The following NUP210L variants were observed in gnomAD, a reference collection of about 807,000 sequenced individuals.
NUP210L encodes nuclear pore membrane glycoprotein 210-like.
In NUP210L, 74 loss-of-function variants were observed where a neutral mutation model predicts 208.5. The observed-to-expected ratio is 0.35, with a 90% CI of 0.29 to 0.43. NUP210L has a LOEUF of 0.43. Among genes scored for constraint, NUP210L ranks in the 20% least tolerant of loss-of-function variants. NUP210L has a pLI of 1.00. For missense variants in NUP210L, 1,843 were observed against 2,289.4 expected (o/e 0.81, Z 3.98); for synonymous variants, 780 against 816.9 (o/e 0.95, Z 0.77).
At chr1:154,032,950 G>GAAGGAAAGAA (rs1652317833) in intron 27 of NUP210L, among the ~76,000 whole-genome samples, 1 of 124,392 alleles carries the variant, frequency 8.0e-6, no homozygotes, top group Non-Finnish European at 1.6e-5. Context: ...AAGAAAGAAA[G>GAAGGAAAGAA]AAGAAAAGAA....
intron 25 of NUP210L, among the ~76,000 whole-genome samples, chr1:154,053,014 C>G (rs1653612794): frequency 6.6e-6 from 1 of 152,158 alleles, no homozygotes; most frequent in South Asian, 2.1e-4. Flanking sequence ...ATGATATGGC[C>G]CGCTCTAGGG....
At chr1:153,994,989 G>T in intron 38 of NUP210L, 87 bp downstream of exon 38, 1 of 821,228 alleles carries the variant, frequency 1.2e-6, no homozygotes, top group Non-Finnish European at 1.9e-6. Context: ...TCCAGCGTGG[G>T]CGACAGACTT....
At chr1:154,100,196 T>A (rs1479483026) in intron 13 of NUP210L, 53 bp from the exon 14 acceptor site, 2 of 1,584,760 alleles carry the variant, frequency 1.3e-6, no homozygotes, top group East Asian at 4.5e-5. Flanking sequence ...AGGCTTGTAA[T>A]CCCAGCACTT....
At chr1:154,115,030 C>T (rs148939892) in intron 12 of NUP210L, among the ~76,000 whole-genome samples, 22 of 152,292 alleles carry the variant, frequency 1.4e-4, no homozygotes, top group African/African-American at 3.8e-4. Context: ...ATCATTTGGT[C>T]CATTTCCTGC....
At chr1:154,083,445 G>A (rs1335354516) in intron 16 of NUP210L, among the ~76,000 whole-genome samples, 3 of 152,158 alleles carry the variant, frequency 2.0e-5, no homozygotes, top group African/African-American at 7.2e-5. Context: ...AACCCAAAGA[G>A]GTCAGGGGAA....
At chr1:154,102,372 A>C (rs1205400110) in intron 13 of NUP210L, among the ~76,000 whole-genome samples, 7 of 152,164 alleles carry the variant, frequency 4.6e-5, no homozygotes. Flanking sequence ...AGTTGAGTTC[A>C]TGAAGCGCCA....
chr1:154,064,084 T>TG (rs770181037), intron 17 of NUP210L, among the ~76,000 whole-genome samples: 8 of 151,588 alleles, frequency 5.3e-5, no homozygotes, highest in South Asian at 2.1e-4. Flanking sequence ...ATAGAGGTGG[T>TG]GGGGGGTCTC....
At chr1:154,007,748 A>G (rs994453452) in intron 35 of NUP210L, among the ~76,000 whole-genome samples, 1 of 145,438 alleles carries the variant, frequency 6.9e-6, no homozygotes, top group Non-Finnish European at 1.5e-5. Context: ...AATTTTTTGT[A>G]TTTTTTTAGT....
At chr1:154,090,229 A>G (rs1655835522) in intron 15 of NUP210L, among the ~76,000 whole-genome samples, 1 of 151,934 alleles carries the variant, frequency 6.6e-6, no homozygotes, top group Admixed American at 6.6e-5. Context: ...AAAAAAAAAA[A>G]TCTAACTTTG....
intron 33 of NUP210L, among the ~76,000 whole-genome samples, chr1:154,015,747 A>AC (rs1397747233): frequency 4.6e-5 from 7 of 150,686 alleles, no homozygotes; most frequent in African/African-American, 1.5e-4. Flanking sequence ...ACACACACAC[A>AC]CACCCCACAG....
At chr1:154,136,587 G>C (rs543939298) in intron 6 of NUP210L, among the ~76,000 whole-genome samples, 1 of 151,870 alleles carries the variant, frequency 6.6e-6, no homozygotes, top group Non-Finnish European at 1.5e-5. Flanking sequence ...GTAAGAAAAA[G>C]ATTAACGTTA....
intron 16 of NUP210L, among the ~76,000 whole-genome samples, chr1:154,072,425 C>T (rs1654794679): frequency 6.8e-6 from 1 of 146,706 alleles, no homozygotes; most frequent in Non-Finnish European, 1.5e-5. Context: ...CTCCACCTCC[C>T]GGGTTCATGC....
intron 30 of NUP210L, among the ~76,000 whole-genome samples, chr1:154,024,939 T>G (rs1321495349): frequency 6.9e-6 from 1 of 144,416 alleles, no homozygotes; most frequent in Non-Finnish European, 1.5e-5. Flanking sequence ...TTTTTTTTTT[T>G]TTTTTTTTGA....
chr1:153,995,002 A>G, intron 38 of NUP210L, 74 bp downstream of exon 38: 1 of 970,018 alleles, frequency 1.0e-6, no homozygotes, highest in Non-Finnish European at 1.6e-6. Flanking sequence ...ACAGACTTAA[A>G]CTCCATCTCA....
chr1:154,081,210 T>C (rs1655307336), intron 16 of NUP210L, among the ~76,000 whole-genome samples: 1 of 150,718 alleles, frequency 6.6e-6, no homozygotes, highest in Middle Eastern at 3.2e-3. Context: ...GAGACACTCA[T>C]GGGTCACAAG....
intron 20 of NUP210L, among the ~76,000 whole-genome samples, chr1:154,059,609 C>A (rs1345243379): frequency 6.6e-6 from 1 of 152,084 alleles, no homozygotes; most frequent in East Asian, 1.9e-4. Context: ...GAAAGGATGT[C>A]ATGAAGAAAA....
chr1:154,023,812 G>A (rs1319906790), intron 30 of NUP210L, among the ~76,000 whole-genome samples: 6 of 142,594 alleles, frequency 4.2e-5, no homozygotes, highest in African/African-American at 1.3e-4. Context: ...TTTTTGAGAC[G>A]GAATTTTGCT....
At chr1:154,077,007 T>C (rs1247137949) in intron 16 of NUP210L, among the ~76,000 whole-genome samples, 1 of 152,176 alleles carries the variant, frequency 6.6e-6, no homozygotes, top group Non-Finnish European at 1.5e-5. Flanking sequence ...ATAAGGGATC[T>C]TCCATGGGAT....
exon 16 of NUP210L, chr1:154,089,427 T>G: frequency 6.2e-7 from 1 of 1,613,976 alleles, no homozygotes; most frequent in Non-Finnish European, 8.5e-7. Flanking sequence ...TTACCAGCCA[T>G]TTGTTGTGCT....
Sources: allele counts gnomAD v4.1 joint callset (sites outside exome capture counted in the v4.1 genomes callset), GRCh38; gene constraint gnomAD v4.1.1; transcripts MANE v1.5; gene names NCBI Gene and HGNC (gene_info 2026-07-23, HGNC 2026-07-21).